The following TRARG1 variants were observed in gnomAD, a reference collection of about 807,000 sequenced individuals.
The protein encoded by TRARG1 is trafficking regulator of GLUT4 1.
TRARG1 carries 16 observed loss-of-function variants against 13.3 expected under a neutral mutation model. That is an observed-to-expected ratio of 1.20 (90% CI 0.81 to 1.83). The LOEUF (loss-of-function observed/expected upper bound fraction) is 1.83. TRARG1 is among the 40% of genes most tolerant of loss of function. The pLI, the probability that TRARG1 is intolerant of heterozygous loss-of-function variation, is 0.00. For synonymous variants in TRARG1, 113 were observed against 106.2 expected, an observed-to-expected ratio of 1.06 and a Z score of -0.39; for missense variants, 250 against 237.4, an observed-to-expected ratio of 1.05 and a Z score of -0.35.
At chr17:1,296,667 G>T (rs11658834) in intron 2 of TRARG1, among the ~76,000 whole-genome samples, 1 of 151,828 alleles carries the variant, frequency 6.6e-6, no homozygotes, top group African/African-American at 2.4e-5. Flanking sequence ...GCCCACCACC[G>T]CACCCAGCTG....
In TRARG1 at chr17:1,298,649, G is replaced by T. The variant is rs999036311; in HGVS notation, c.*385G>T. 1.2e-5 allele frequency: 3 copies of T among 241,002 alleles called. No homozygotes were observed. The highest frequency in any genetic ancestry group is 2.4e-5 in the Non-Finnish European group (3 of 126,234). The allele number at this position is 241,002 out of a possible 1,614,324, so 14.9% of individuals were successfully genotyped here. Reference sequence around the variant, plus strand: ...GAGACACACGCTGGCGGGGAGAGACGCAGCAGAGCTCCTTCCTGTCTGTGG... The same window carrying T: ...GAGACACACGCTGGCGGGGAGAGACTCAGCAGAGCTCCTTCCTGTCTGTGG... On this transcript the variant is annotated 3_prime_UTR_variant, in exon 3 of 3. Coordinates refer to ENST00000333813, the MANE Select transcript of TRARG1 (RefSeq NM_172367.3).
intron 1 of TRARG1, among the ~76,000 whole-genome samples, chr17:1,284,122 A>AAAAGAAAGAAAG (rs35790659): frequency 8.7e-5 from 13 of 149,512 alleles, no homozygotes; most frequent in Admixed American, 2.7e-4. Flanking sequence ...CTCAAAAAAA[A>AAAAGAAAGAAAG]AAAGAAAGAA....
intron 1 of TRARG1, among the ~76,000 whole-genome samples, chr17:1,282,253 T>TATATGC (rs2071985400): frequency 8.5e-5 from 9 of 105,456 alleles, no homozygotes; most frequent in Non-Finnish European, 1.9e-4. Flanking sequence ...CACGTATATG[T>TATATGC]ACGTATATGT....
At chr17:1,294,090 C>T (rs1355295560) in intron 1 of TRARG1, among the ~76,000 whole-genome samples, 1 of 152,068 alleles carries the variant, frequency 6.6e-6, no homozygotes, top group African/African-American at 2.4e-5. Context: ...AATAAAGTAA[C>T]CAAGGACTTC....
chr17:1,291,492 C>T (rs2072069101), intron 1 of TRARG1, among the ~76,000 whole-genome samples: 1 of 152,174 alleles, frequency 6.6e-6, no homozygotes, highest in African/African-American at 2.4e-5. Context: ...ACGTGTTTAC[C>T]GCCCCTTCCG....
At chr17:1,285,804 A>G (rs1242919907) in intron 1 of TRARG1, among the ~76,000 whole-genome samples, 1 of 151,744 alleles carries the variant, frequency 6.6e-6, no homozygotes, top group Non-Finnish European at 1.5e-5. Flanking sequence ...GGGGGTCTCT[A>G]ACATCTAGGG....
intron 1 of TRARG1, among the ~76,000 whole-genome samples, chr17:1,287,575 A>ATGG (rs1420486702): frequency 1.3e-5 from 2 of 151,492 alleles, no homozygotes; most frequent in Non-Finnish European, 2.9e-5. Context: ...TGTTACCAGG[A>ATGG]TGGTCTCAAT....
chr17:1,280,515 A>T, intron 1 of TRARG1, 127 bp downstream of exon 1: 1 of 1,108,194 alleles, frequency 9.0e-7, no homozygotes, highest in Non-Finnish European at 1.3e-6. Flanking sequence ...GGGCTTGGGG[A>T]AGACTCCTTT....
At chr17:1,282,255 CGT>C (rs1467430030) in intron 1 of TRARG1, among the ~76,000 whole-genome samples, 4 of 140,396 alleles carry the variant, frequency 2.8e-5, no homozygotes, top group African/African-American at 1.2e-4. Context: ...CGTATATGTA[CGT>C]ATATGTACAT....
chr17:1,287,989 C>T (rs963000670), intron 1 of TRARG1, among the ~76,000 whole-genome samples: 3 of 151,974 alleles, frequency 2.0e-5, no homozygotes, highest in Non-Finnish European at 4.4e-5. Context: ...GTGCCCTCCC[C>T]ACTCTGTCCA....
intron 1 of TRARG1, among the ~76,000 whole-genome samples, chr17:1,281,699 G>A (rs1399842059): frequency 1.3e-5 from 2 of 152,154 alleles, no homozygotes; most frequent in Non-Finnish European, 1.5e-5. Flanking sequence ...GGTGCAGCCA[G>A]TGGCTGTGGG....
chr17:1,295,804 T>G (rs2072107452), intron 2 of TRARG1, among the ~76,000 whole-genome samples, 181 bp downstream of exon 2: 1 of 151,808 alleles, frequency 6.6e-6, no homozygotes, highest in Admixed American at 6.6e-5. Flanking sequence ...ACCAGATGAG[T>G]GGGGATGGGC....
chr17:1,280,305 A>C lies in TRARG1; in HGVS notation c.304A>C (p.Arg102=). 6.2e-7 allele frequency: 1 copy of C among 1,613,912 alleles called. No individual in the cohort carries two copies. Among genetic ancestry groups the C allele is most frequent in the Non-Finnish European group, 8.5e-7 (1 of 1,179,898 alleles). ...CTATGCCCAAGACCAAGAAGCCCCC[A>C]GAGATTACCTCATCCTGGCCGTCGT... is the stretch of plus-strand genomic sequence containing the variant. The part of the protein sequence containing the change: ...TSYAQDQEAP[R]DYLILAVVAC... The change falls in exon 1 of 3, where the codon AGA becomes CGA. Residue 102 remains arginine (R), a synonymous_variant. Coordinates refer to ENST00000333813, the MANE Select transcript of TRARG1 (RefSeq NM_172367.3).
chr17:1,295,347 T>C, intron 1 of TRARG1, 144 bp from the exon 2 acceptor site: 1 of 1,038,492 alleles, frequency 9.6e-7, no homozygotes, highest in Non-Finnish European at 1.3e-6. Context: ...GCCCTCTTCC[T>C]CTCCCCTAGA....
At position 1,280,079 on chromosome 17, in the gene TRARG1, G is replaced by A. The variant is rs762879334; in HGVS notation, c.78G>A (p.Met26Ile). ...CCGCATTCCTGGACCTGCCGGAGAT[G>A]GAGATACTCCTCACCAAGGCAGAGA... ...GSAAFLDLPE[M>I]EILLTKAENK... Residue 26 changes from methionine to isoleucine, a missense_variant, in exon 1 of 3, where the codon ATG becomes ATA. Physicochemically the swap from Met to Ile is conservative, Grantham distance 10. Coordinates refer to ENST00000333813, the MANE Select transcript of TRARG1 (RefSeq NM_172367.3). 16 of 1,613,444 alleles carry A rather than the reference G, an allele frequency of 9.9e-6. No homozygotes were observed. In the African/African-American group the frequency reaches 2.0e-4, roughly 20 times the overall value.
chr17:1,283,814 A>AC (rs2072000410), intron 1 of TRARG1, among the ~76,000 whole-genome samples: 1 of 150,092 alleles, frequency 6.7e-6, no homozygotes, highest in Non-Finnish European at 1.5e-5. Flanking sequence ...ATCTCAAAAA[A>AC]AATAAAATAA....
At chr17:1,297,171 G>A (rs980805091) in intron 2 of TRARG1, among the ~76,000 whole-genome samples, 2 of 152,062 alleles carry the variant, frequency 1.3e-5, no homozygotes, top group Non-Finnish European at 2.9e-5. Flanking sequence ...CGGGATTATC[G>A]AGGAATGTGT....
intron 2 of TRARG1, among the ~76,000 whole-genome samples, chr17:1,297,787 T>C (rs1435142002): frequency 1.3e-5 from 2 of 151,870 alleles, no homozygotes; most frequent in Non-Finnish European, 2.9e-5. Context: ...TTATTTGTAG[T>C]AGCGATAGGG....
intron 1 of TRARG1, among the ~76,000 whole-genome samples, chr17:1,282,084 G>A (rs12950859): frequency 6.4e-3 from 345 of 54,268 alleles, no homozygotes; most frequent in African/African-American, 0.021. Flanking sequence ...ATACATATAT[G>A]TACATATATA....
Sources: gnomAD v4.1 joint callset for allele counts (sites outside exome capture counted in the v4.1 genomes callset) on GRCh38, gnomAD v4.1.1 for gene constraint, MANE v1.5 for transcripts, NCBI Gene and HGNC (gene_info 2026-07-23, HGNC 2026-07-21) for gene names.